Variants in SYT9 observed in about 807,000 individuals in gnomAD.
SYT9 encodes synaptotagmin-9.
A neutral mutation model predicts 48.4 loss-of-function variants in SYT9; 22 were observed. The observed-to-expected ratio is 0.45, with a 90% CI of 0.32 to 0.65. SYT9 has a LOEUF of 0.65. Among genes scored for constraint, SYT9 ranks in the 30% least tolerant of loss-of-function variants. SYT9 has a pLI of 0.03. For synonymous variants in SYT9, 265 were observed against 245.0 expected, an observed-to-expected ratio of 1.08 and a Z score of -0.76; for missense variants, 577 against 622.0, an observed-to-expected ratio of 0.93 and a Z score of 0.77.
intron 3 of SYT9, among the ~76,000 whole-genome samples, chr11:7,338,628 G>A (rs112894550): frequency 0.011 from 1,658 of 152,164 alleles, 28 homozygotes; most frequent in African/African-American, 0.038. Context: ...TCAGGAGCAG[G>A]TGGTTTAATT....
At chr11:7,320,998 T>C (rs1421521111) in intron 3 of SYT9, among the ~76,000 whole-genome samples, 1 of 152,052 alleles carries the variant, frequency 6.6e-6, no homozygotes, top group East Asian at 1.9e-4. Context: ...CTAGTGGCTT[T>C]CTGAAAAAGT....
At chr11:7,280,140 G>T (rs574351962) in intron 1 of SYT9, among the ~76,000 whole-genome samples, 3 of 152,352 alleles carry the variant, frequency 2.0e-5, no homozygotes, top group Admixed American at 1.3e-4. Context: ...TTTATTTTAA[G>T]TGTTACTCAT....
At chr11:7,415,959 C>A in intron 3 of SYT9, 83 bp from the exon 4 acceptor site, 1 of 1,569,282 alleles carries the variant, frequency 6.4e-7, no homozygotes, top group Non-Finnish European at 8.7e-7. Flanking sequence ...AGTGTGTTCC[C>A]TTTCAGTGTG....
rs1849179925 is a variant in SYT9, at chr11:7,313,492, A to G, written c.595A>G (p.Lys199Glu). The change falls in exon 3 of 7, where the codon AAA becomes GAA. Residue 199 changes from lysine to glutamate, a missense_variant. Transcript: ENST00000318881. ...QEQLTGIGRI[K>E]PELYKQRSLD... is the part of the protein sequence containing the mutation. ...ACAGTTGACTGGAATTGGTAGAATT[A>G]AACCAGAGTTATATAAGCAGAGGTC... 1 of 1,614,200 alleles carries G rather than the reference A, an allele frequency of 6.2e-7. No homozygotes were observed. Among genetic ancestry groups the G allele is most frequent in the East Asian group, 2.2e-5 (1 of 44,884 alleles).
intron 3 of SYT9, among the ~76,000 whole-genome samples, chr11:7,360,278 G>C (rs1850107669): frequency 6.6e-6 from 1 of 152,176 alleles, no homozygotes; most frequent in African/African-American, 2.4e-5. Context: ...TTTGAAGTCA[G>C]GTAGTGTGAT....
chr11:7,464,505 C>T (rs146718859), intron 6 of SYT9, among the ~76,000 whole-genome samples: 164 of 152,280 alleles, frequency 1.1e-3, no homozygotes, highest in Non-Finnish European at 1.2e-3. Context: ...GTCTCTACAA[C>T]GCTGCATCCT....
chr11:7,405,569 G>T (rs1846992126), intron 3 of SYT9, among the ~76,000 whole-genome samples: 1 of 152,166 alleles, frequency 6.6e-6, no homozygotes, highest in Admixed American at 6.5e-5. Context: ...TACCACTGAT[G>T]ATTTAGCTCC....
At chr11:7,310,495 G>A (rs1849113584) in intron 2 of SYT9, among the ~76,000 whole-genome samples, 4 of 143,344 alleles carry the variant, frequency 2.8e-5, no homozygotes, top group Admixed American at 1.5e-4. Flanking sequence ...CGCCCAGGCT[G>A]GAGTACAGTG....
chr11:7,463,180 G>T lies in SYT9; in HGVS notation c.1468-3612G>T, dbSNP rs78350906. Reference sequence around the variant, plus strand: ...TCATAACAAGGACACTGCTGCTTCTGCCCATGGAAATGGGGCTGGCACCAG... The same window carrying T: ...TCATAACAAGGACACTGCTGCTTCTTCCCATGGAAATGGGGCTGGCACCAG... On this transcript the variant is annotated intron_variant, in intron 6 of 6. Transcript: ENST00000318881. 6.1e-4 allele frequency among the ~76,000 whole-genome samples: 93 copies of T among 152,166 alleles called. 1 individual carries two copies. In the East Asian group the frequency reaches 0.014, roughly 23 times the overall value.
intron 3 of SYT9, among the ~76,000 whole-genome samples, chr11:7,399,459 A>G (rs1846835982): frequency 6.6e-6 from 1 of 152,240 alleles, no homozygotes; most frequent in Non-Finnish European, 1.5e-5. Flanking sequence ...ATTGAGGGGA[A>G]TTATGAATAT....
chr11:7,335,165 C>T (rs1849612632), intron 3 of SYT9, among the ~76,000 whole-genome samples: 1 of 152,162 alleles, frequency 6.6e-6, no homozygotes, highest in East Asian at 1.9e-4. Flanking sequence ...TCATTTTAGA[C>T]ATTCTAAGAG....
intron 1 of SYT9, among the ~76,000 whole-genome samples, chr11:7,296,575 C>G (rs938199757): frequency 9.2e-5 from 14 of 152,172 alleles, no homozygotes; most frequent in Admixed American, 5.9e-4. Flanking sequence ...CTTCCTCCTT[C>G]TTCTTCCTGT....
chr11:7,331,568 A>G (rs1329275449), intron 3 of SYT9, among the ~76,000 whole-genome samples: 1 of 152,092 alleles, frequency 6.6e-6, no homozygotes, highest in Non-Finnish European at 1.5e-5. Flanking sequence ...ATGTAATAGT[A>G]CAAAAATTAG....
At chr11:7,261,758 A>G (rs1481384396) in intron 1 of SYT9, among the ~76,000 whole-genome samples, 1 of 151,820 alleles carries the variant, frequency 6.6e-6, no homozygotes, top group African/African-American at 2.4e-5. Context: ...TCAAGGCAGG[A>G]GCATGCTTGA....
At chr11:7,281,921 G>T (rs146085128) in intron 1 of SYT9, among the ~76,000 whole-genome samples, 19 of 152,294 alleles carry the variant, frequency 1.2e-4, no homozygotes, top group African/African-American at 4.6e-4. Flanking sequence ...ACTTCCCACT[G>T]TAGGTACCTG....
At chr11:7,335,479 C>A (rs1466722749) in intron 3 of SYT9, among the ~76,000 whole-genome samples, 1 of 152,088 alleles carries the variant, frequency 6.6e-6, no homozygotes, top group Non-Finnish European at 1.5e-5. Context: ...CCCTCCACCC[C>A]CAGAAGGTTC....
rs546176240 is a variant in SYT9, at chr11:7,293,377, C to G, written c.146-9662C>G. On this transcript the variant is annotated intron_variant, in intron 1 of 6. Coordinates refer to ENST00000318881, the MANE Select transcript of SYT9 (RefSeq NM_175733.4). ...TAAGGCAGCAGAGTGCTCTGTTTAC[C>G]TGGCTCAGTGTCTTAAAAATGGTAT... 6.2e-4 allele frequency among the ~76,000 whole-genome samples: 94 copies of G among 152,266 alleles called. 1 individual carries two copies. Among genetic ancestry groups the G allele is most frequent in the African/African-American group, 2.1e-3 (86 of 41,558 alleles).
chr11:7,297,124 G>T (rs990971144), intron 1 of SYT9, among the ~76,000 whole-genome samples: 1 of 152,014 alleles, frequency 6.6e-6, no homozygotes, highest in East Asian at 1.9e-4. Context: ...GAGAGAGAGA[G>T]AGATCAGATT....
At chr11:7,288,432 A>G (rs908784316) in intron 1 of SYT9, among the ~76,000 whole-genome samples, 1 of 152,184 alleles carries the variant, frequency 6.6e-6, no homozygotes, top group African/African-American at 2.4e-5. Flanking sequence ...CTTTCAGAAC[A>G]TCACCCAAAT....
Sources: gnomAD v4.1 joint callset for allele counts (sites outside exome capture counted in the v4.1 genomes callset) on GRCh38, gnomAD v4.1.1 for gene constraint, MANE v1.5 for transcripts, NCBI Gene and HGNC (gene_info 2026-07-23, HGNC 2026-07-21) for gene names.